The following EXT1 variants were observed in gnomAD, a reference collection of about 807,000 sequenced individuals.
EXT1 encodes the protein exostosin glycosyltransferase 1, also known as exostosin-1.
A neutral mutation model predicts 82.5 loss-of-function variants in EXT1; 20 were observed. The ratio of observed to expected loss-of-function variants is 0.24; its 90% CI spans 0.17 to 0.35. The LOEUF (loss-of-function observed/expected upper bound fraction) is 0.35, where lower values mean the gene tolerates loss of function less well. EXT1 is among the 10% of genes least tolerant of loss of function. The pLI is 1.00. For missense variants in EXT1, 757 were observed against 936.5 expected (o/e 0.81, Z 2.50); for synonymous variants, 348 against 350.8 (o/e 0.99, Z 0.09).
Position 117,934,198 on chromosome 8 carries a change from G to C in EXT1, c.963-96997C>G, listed in dbSNP as rs569425250. Among the ~76,000 whole-genome samples the C allele has an allele frequency of 9.2e-5, 14 of 152,124 alleles. No homozygotes were observed. The South Asian group carries it at 2.5e-3, about 27-fold the overall frequency. On this transcript the variant is annotated intron_variant, in intron 1 of 10. Transcript: ENST00000378204. ...CAGTAAGAGCAGCACCAGGCTTGTC[G>C]GGTTTTGTTCTCCTCCATGTGTTTC...
At chr8:117,938,487 A>ATAAAT (rs139560888) in intron 1 of EXT1, among the ~76,000 whole-genome samples, 8,461 of 152,124 alleles carry the variant, frequency 0.056, 826 homozygotes, top group African/African-American at 0.2. Context: ...AATAATAATA[A>ATAAAT]TAAACAAAAT....
At chr8:117,847,430 G>T (rs1215592069) in intron 1 of EXT1, among the ~76,000 whole-genome samples, 1 of 152,166 alleles carries the variant, frequency 6.6e-6, no homozygotes, top group Admixed American at 6.5e-5. Flanking sequence ...TGTTAAAAAT[G>T]TCATTTTCTC....
intron 1 of EXT1, among the ~76,000 whole-genome samples, chr8:117,968,983 G>C (rs1814885579): frequency 6.6e-6 from 1 of 152,146 alleles, no homozygotes; most frequent in African/African-American, 2.4e-5. Context: ...TCTATACCAT[G>C]GTGGTATATA....
intron 1 of EXT1, among the ~76,000 whole-genome samples, chr8:117,846,282 A>G (rs902996137): frequency 6.6e-6 from 1 of 151,878 alleles, no homozygotes; most frequent in Non-Finnish European, 1.5e-5. Flanking sequence ...TAATTTTTGT[A>G]TTTTTAGTAG....
At chr8:117,894,371 A>T (rs191858521) in intron 1 of EXT1, among the ~76,000 whole-genome samples, 1 of 152,212 alleles carries the variant, frequency 6.6e-6, no homozygotes, top group Non-Finnish European at 1.5e-5. Context: ...ATTTCCCTCC[A>T]TGCTGGTCCT....
At chr8:117,929,091 T>C (rs752777019) in intron 1 of EXT1, among the ~76,000 whole-genome samples, 1 of 152,196 alleles carries the variant, frequency 6.6e-6, no homozygotes, top group Non-Finnish European at 1.5e-5. Flanking sequence ...CCTAAGTTGC[T>C]GGAAAGAGCA....
intron 1 of EXT1, among the ~76,000 whole-genome samples, chr8:117,942,531 GA>G (rs1814304121): frequency 1.3e-5 from 2 of 152,092 alleles, no homozygotes; most frequent in Admixed American, 1.3e-4. Flanking sequence ...GACCAACATG[GA>G]GAAAGCCCAT....
chr8:117,930,698 C>T (rs1814042733), intron 1 of EXT1, among the ~76,000 whole-genome samples: 1 of 152,140 alleles, frequency 6.6e-6, no homozygotes, highest in African/African-American at 2.4e-5. Context: ...ACAGTGACTC[C>T]ATCTTGAGTA....
intron 1 of EXT1, among the ~76,000 whole-genome samples, chr8:117,900,952 C>T (rs9656924): frequency 0.05 from 7,595 of 152,248 alleles, 629 homozygotes; most frequent in African/African-American, 0.17. Context: ...CAATTCCTAC[C>T]AAGGCAGATA....
chr8:117,931,537 A>G (rs1299542873), intron 1 of EXT1, among the ~76,000 whole-genome samples: 1 of 150,432 alleles, frequency 6.6e-6, no homozygotes, highest in African/African-American at 2.4e-5. Context: ...GGAATAAGAG[A>G]GGGGGAAGCC....
At chr8:118,023,541 C>A (rs1229205126) in intron 1 of EXT1, among the ~76,000 whole-genome samples, 1 of 152,188 alleles carries the variant, frequency 6.6e-6, no homozygotes, top group Non-Finnish European at 1.5e-5. Context: ...TCCTAGCAGG[C>A]TCTCAGGCTA....
chr8:117,971,780 C>A (rs1483916177), intron 1 of EXT1, among the ~76,000 whole-genome samples: 2 of 152,174 alleles, frequency 1.3e-5, no homozygotes, highest in Non-Finnish European at 2.9e-5. Flanking sequence ...CAAATGGTAT[C>A]CCCTTTCTTG....
chr8:118,036,833 A>G (rs1816428133), intron 1 of EXT1, among the ~76,000 whole-genome samples: 1 of 152,082 alleles, frequency 6.6e-6, no homozygotes, highest in Non-Finnish European at 1.5e-5. Context: ...TTGAGCCTCT[A>G]TGACCTTGCA....
intron 1 of EXT1, among the ~76,000 whole-genome samples, chr8:117,876,284 A>G (rs1428891397): frequency 6.6e-6 from 1 of 152,248 alleles, no homozygotes; most frequent in East Asian, 1.9e-4. Context: ...AGGACTTAAG[A>G]GACAGAGAAA....
intron 1 of EXT1, among the ~76,000 whole-genome samples, chr8:117,924,429 C>T (rs1203393494): frequency 6.6e-6 from 1 of 152,190 alleles, no homozygotes; most frequent in African/African-American, 2.4e-5. Context: ...TTGGATTGCA[C>T]TGCTAACAAA....
At chr8:117,942,545 C>T (rs1281032454) in intron 1 of EXT1, among the ~76,000 whole-genome samples, 2 of 152,074 alleles carry the variant, frequency 1.3e-5, no homozygotes, top group Non-Finnish European at 2.9e-5. Flanking sequence ...AAGCCCATCT[C>T]TACTAAAAAT....
intron 8 of EXT1, among the ~76,000 whole-genome samples, chr8:117,807,644 GT>G (rs1240719989): frequency 2.6e-5 from 4 of 152,108 alleles, no homozygotes; most frequent in Non-Finnish European, 4.4e-5. Context: ...TAAAAATCCA[GT>G]CTGTTCAAGC....
intron 1 of EXT1, among the ~76,000 whole-genome samples, chr8:117,866,254 A>G (rs191178423): frequency 2.0e-5 from 3 of 152,330 alleles, no homozygotes; most frequent in Admixed American, 6.5e-5. Context: ...TTAAAATCTG[A>G]AAAATACTAA....
At chr8:117,827,091 CAA>C (rs1380297013) in intron 4 of EXT1, among the ~76,000 whole-genome samples, 1 of 152,138 alleles carries the variant, frequency 6.6e-6, no homozygotes, top group East Asian at 1.9e-4. Context: ...GTAAGACTGA[CAA>C]GAGCACAGCA....
Sources: gnomAD v4.1 joint callset for allele counts (sites outside exome capture counted in the v4.1 genomes callset) on GRCh38, gnomAD v4.1.1 for gene constraint, MANE v1.5 for transcripts, NCBI Gene and HGNC (gene_info 2026-07-23, HGNC 2026-07-21) for gene names.